The following DNAH11 variants were observed in gnomAD, a reference collection of about 807,000 sequenced individuals.
DNAH11 encodes dynein axonemal heavy chain 11.
Under a neutral mutation model 526.0 loss-of-function variants are expected in DNAH11, and 442 were observed. The observed-to-expected ratio is 0.84, with a 90% CI of 0.78 to 0.91. The LOEUF (loss-of-function observed/expected upper bound fraction) is 0.91. Among genes scored for constraint, DNAH11 ranks in the 40% least tolerant of loss-of-function variants. The probability of loss-of-function intolerance (pLI) is 0.00; values close to 1 mark genes in which losing one functional copy is unlikely to be tolerated. For missense variants in DNAH11, 6,989 were observed against 5,448.7 expected, an observed-to-expected ratio of 1.28 and a Z score of -8.90; for synonymous variants, 2,461 against 1,935.9, an observed-to-expected ratio of 1.27 and a Z score of -7.12.
At chr7:21,596,449 T>C (rs1054351214) in intron 14 of DNAH11, among the ~76,000 whole-genome samples, 6 of 152,356 alleles carry the variant, frequency 3.9e-5, no homozygotes, top group African/African-American at 1.4e-4. Flanking sequence ...TGCCGTGGAC[T>C]ATTTCTAGTT....
In DNAH11 at chr7:21,899,356, G is replaced by C. The variant is rs369549112; in HGVS notation, c.13070G>C (p.Arg4357Pro). The C allele has an allele frequency of 6.2e-7, 1 of 1,613,766 alleles. No individual in the cohort carries two copies. The highest frequency in any genetic ancestry group is 8.5e-7 in the Non-Finnish European group (1 of 1,179,880). Reference protein sequence around the residue: ...LAQWFNDLLLRCRELDTWTQD... With the variant: ...LAQWFNDLLLPCRELDTWTQD... ...ACCAGGTTCAATGACCTCCTCCTGC[G>C]ATGCCGAGAACTCGATACTTGGACA... The change falls in exon 80 of 82, where the codon CGA becomes CCA. Residue 4357 changes from arginine (R) to proline (P), a missense_variant. Arg to Pro is a moderately radical substitution (Grantham distance 103). Coordinates refer to ENST00000409508, the MANE Select transcript of DNAH11 (RefSeq NM_001277115.2).
intron 2 of DNAH11, among the ~76,000 whole-genome samples, chr7:21,546,534 A>G (rs1037031676): frequency 6.6e-6 from 1 of 152,222 alleles, no homozygotes; most frequent in African/African-American, 2.4e-5. Context: ...AACAGAAGAT[A>G]CAAGCCTTTT....
Position 21,742,154 on chromosome 7 carries a change from A to G in DNAH11, c.8142A>G (p.Ser2714=), listed in dbSNP as rs1469179526. The G allele has an allele frequency of 1.2e-6, 2 of 1,613,800 alleles. No homozygotes were observed. The highest frequency in any genetic ancestry group is 1.7e-6 in the Non-Finnish European group (2 of 1,179,802). Residue 2714 remains serine (S), a synonymous_variant, in exon 49 of 82, where the codon TCA becomes TCG. Coordinates refer to ENST00000409508, the MANE Select transcript of DNAH11 (RefSeq NM_001277115.2). The part of the protein sequence containing the change: ...FHYIFNLRDL[S]NVFQGILFAS... ...ACATCTTTAATCTGAGAGATTTATC[A>G]AACGTCTTCCAGGTACCTTGACTGC...
At chr7:21,758,805 G>A (rs777599983) in intron 54 of DNAH11, among the ~76,000 whole-genome samples, 6 of 152,146 alleles carry the variant, frequency 3.9e-5, no homozygotes, top group African/African-American at 9.7e-5. Context: ...AAAGCATGTC[G>A]TGCTTTTCTC....
At chr7:21,638,798 G>A (rs926734522) in intron 27 of DNAH11, 141 bp from the exon 28 acceptor site, 28 of 968,082 alleles carry the variant, frequency 2.9e-5, no homozygotes, top group Admixed American at 9.8e-5. Context: ...AGATGATGGT[G>A]TAAAAAAGAA....
At chr7:21,817,931 C>A (rs879334668) in intron 64 of DNAH11, among the ~76,000 whole-genome samples, 7 of 152,106 alleles carry the variant, frequency 4.6e-5, no homozygotes, top group Non-Finnish European at 8.8e-5. Context: ...GGATAACTTA[C>A]ACTTATTTCA....
Position 21,619,807 on chromosome 7 carries a change from A to G in DNAH11, c.4378-149A>G, listed in dbSNP as rs904176080. The G allele has an allele frequency of 1.3e-5, 9 of 685,828 alleles. No individual in the cohort carries two copies. The African/African-American group carries it at 1.7e-4, about 13-fold the overall frequency. The allele number at this position is 685,828 out of a possible 1,614,324, so 42.5% of individuals were successfully genotyped here. On this transcript the variant is annotated intron_variant, in intron 24 of 81. Transcript: ENST00000409508. ...AATTCATTCTTCAAACCCCATTAGCATGAATTACTTGGAGGAAAAAACTCA... is the reference window on the plus strand; with the variant it reads ...AATTCATTCTTCAAACCCCATTAGCGTGAATTACTTGGAGGAAAAAACTCA...
chr7:21,744,092 T>C (rs779476950), intron 49 of DNAH11, among the ~76,000 whole-genome samples: 1 of 152,192 alleles, frequency 6.6e-6, no homozygotes, highest in Non-Finnish European at 1.5e-5. Flanking sequence ...AAAAAAAATA[T>C]GATTCTGTGA....
At chr7:21,705,644 C>G (rs1274300361) in intron 39 of DNAH11, 107 bp downstream of exon 39, 3 of 1,086,338 alleles carry the variant, frequency 2.8e-6, no homozygotes, top group Non-Finnish European at 4.0e-6. Context: ...CCATGAAGCC[C>G]ACCATAATTT....
At chr7:21,839,312 C>T (rs571697942) in intron 65 of DNAH11, among the ~76,000 whole-genome samples, 3 of 152,194 alleles carry the variant, frequency 2.0e-5, no homozygotes, top group South Asian at 4.2e-4. Context: ...TGGTGACTCA[C>T]GCCTGTAATC....
Position 21,717,787 on chromosome 7 carries a change from T to A in DNAH11, c.6996T>A (p.Ser2332Arg). 1 of 1,613,776 alleles carries A rather than the reference T, an allele frequency of 6.2e-7. No homozygotes were observed. Among genetic ancestry groups the A allele is most frequent in the Non-Finnish European group, 8.5e-7 (1 of 1,179,804 alleles). ...QDLGWNPYVA[S>R]WIDRRRHQSE... ...TGTTCCTTTTCAGGTATGTGGCCAG[T>A]TGGATAGACAGAAGGCGGCATCAAT... Residue 2332 changes from serine (S) to arginine (R), a missense_variant, in exon 43 of 82, where the codon AGT becomes AGA. By Grantham distance (110) the Ser-to-Arg change is moderately radical. Coordinates refer to ENST00000409508, the MANE Select transcript of DNAH11 (RefSeq NM_001277115.2).
At position 21,877,569 on chromosome 7, in the gene DNAH11, G is replaced by A. The variant is rs117684534; in HGVS notation, c.12196-3133G>A. 6.4e-4 allele frequency among the ~76,000 whole-genome samples: 97 copies of A among 152,204 alleles called. No homozygotes were observed. The East Asian group carries it at 0.018, about 28-fold the overall frequency. ...TTCTTGTAGGATACCATCTACCTAC[G>A]CCTTTCAGCTAAAGAGCCTCTTGAG... On this transcript the variant is annotated intron_variant, in intron 74 of 81. Coordinates refer to ENST00000409508, the MANE Select transcript of DNAH11 (RefSeq NM_001277115.2).
At chr7:21,684,466 AAATT>A (rs1783285222) in intron 32 of DNAH11, among the ~76,000 whole-genome samples, 1 of 152,260 alleles carries the variant, frequency 6.6e-6, no homozygotes, top group Non-Finnish European at 1.5e-5. Context: ...ATAAAAAAGT[AAATT>A]AATTATTTTA....
chr7:21,616,535 GAGCTTCCTAC>G (rs1453976382), intron 22 of DNAH11, among the ~76,000 whole-genome samples: 1 of 152,134 alleles, frequency 6.6e-6, no homozygotes, highest in Non-Finnish European at 1.5e-5. Context: ...CTCTAATTAT[GAGCTTCCTAC>G]AGCTTCCTAG....
At chr7:21,885,818 C>A (rs547521969) in intron 76 of DNAH11, among the ~76,000 whole-genome samples, 23 of 152,276 alleles carry the variant, frequency 1.5e-4, no homozygotes, top group African/African-American at 5.5e-4. Context: ...AGGTAGATCA[C>A]CCCTGTAGGT....
intron 46 of DNAH11, among the ~76,000 whole-genome samples, chr7:21,738,077 A>T (rs931347441): frequency 1.3e-5 from 2 of 152,214 alleles, no homozygotes; most frequent in African/African-American, 4.8e-5. Context: ...TTGGAGAGTC[A>T]ACAAGTAATC....
chr7:21,625,154 C>T (rs2128456195), intron 25 of DNAH11, among the ~76,000 whole-genome samples: 1 of 152,006 alleles, frequency 6.6e-6, no homozygotes, highest in African/African-American at 2.4e-5. Context: ...ACCGTGAAGC[C>T]CTCCTGTCCT....
rs369034500 is a variant in DNAH11, at chr7:21,704,644, G to T, written c.6468+16G>T. ...CATCCTCAAAGTAAAAGGAGCATTTGCTTTTCATGGCAGCTGTTGGGATTG... is the reference window on the plus strand; with the variant it reads ...CATCCTCAAAGTAAAAGGAGCATTTTCTTTTCATGGCAGCTGTTGGGATTG... On this transcript the variant is annotated intron_variant, in intron 38 of 81. Transcript: ENST00000409508. The T allele has an allele frequency of 3.2e-6, 5 of 1,580,936 alleles. No individual in the cohort carries two copies. The highest frequency in any genetic ancestry group is 1.4e-5 in the African/African-American group (1 of 72,816).
chr7:21,638,735 T>TGTGTGTGTGTG, intron 27 of DNAH11, among the ~76,000 whole-genome samples: 1 of 143,398 alleles, frequency 7.0e-6, no homozygotes, highest in African/African-American at 2.5e-5. Context: ...TGTGTGTGTA[T>TGTGTGTGTGTG]TTGGCATAGT....
Sources: gnomAD v4.1 joint callset for allele counts (sites outside exome capture counted in the v4.1 genomes callset) on GRCh38, gnomAD v4.1.1 for gene constraint, MANE v1.5 for transcripts, NCBI Gene and HGNC (gene_info 2026-07-23, HGNC 2026-07-21) for gene names.